Variants in SYNE1 observed in about 807,000 individuals in gnomAD.
SYNE1 encodes nesprin-1.
Under a neutral mutation model 1,111.0 loss-of-function variants are expected in SYNE1, and 616 were observed. That is an observed-to-expected ratio of 0.55 (90% CI 0.52 to 0.59). The LOEUF (loss-of-function observed/expected upper bound fraction) is 0.59. SYNE1 is among the 20% of genes least tolerant of loss of function. SYNE1 has a pLI of 0.00. For missense variants in SYNE1, 10,006 were observed against 10,417.0 expected (o/e 0.96, Z 1.72); for synonymous variants, 3,855 against 3,825.8 (o/e 1.01, Z -0.28).
At chr6:152,569,590 C>G (rs767015622) in intron 3 of SYNE1, among the ~76,000 whole-genome samples, 107 of 151,904 alleles carry the variant, frequency 7.0e-4, no homozygotes, top group Non-Finnish European at 1.1e-3. Context: ...ACTAGATTTG[C>G]ATATCTGTAG....
At chr6:152,592,832 T>TA (rs2099570832) in intron 3 of SYNE1, among the ~76,000 whole-genome samples, 1 of 152,192 alleles carries the variant, frequency 6.6e-6, no homozygotes, top group African/African-American at 2.4e-5. Flanking sequence ...TCACACCTTA[T>TA]ATAATCATCT....
At chr6:152,432,340 G>A (rs1041533307) in intron 34 of SYNE1, among the ~76,000 whole-genome samples, 6 of 152,068 alleles carry the variant, frequency 3.9e-5, no homozygotes, top group Non-Finnish European at 8.8e-5. Context: ...GTAGTCTTAT[G>A]TTTGGAAATA....
At chr6:152,436,825 T>C (rs2098477971) in intron 32 of SYNE1, among the ~76,000 whole-genome samples, 1 of 152,186 alleles carries the variant, frequency 6.6e-6, no homozygotes, top group Admixed American at 6.5e-5. Flanking sequence ...GGCCAATGAA[T>C]AGAAACATTT....
At chr6:152,501,736 C>CAA (rs1232051419) in intron 10 of SYNE1, among the ~76,000 whole-genome samples, 5 of 90,058 alleles carry the variant, frequency 5.6e-5, no homozygotes, top group South Asian at 3.4e-4. Context: ...CTCCATCTCA[C>CAA]AAAAAAAAAA....
chr6:152,505,095 C>A, intron 9 of SYNE1, 106 bp downstream of exon 9: 1 of 1,299,648 alleles, frequency 7.7e-7, no homozygotes, highest in Non-Finnish European at 1.1e-6. Context: ...TTTTCTCCAG[C>A]TTTCTGGCCT....
At chr6:152,154,729 A>G (rs1172538260) in intron 133 of SYNE1, among the ~76,000 whole-genome samples, 163 bp downstream of exon 133, 1 of 152,076 alleles carries the variant, frequency 6.6e-6, no homozygotes, top group Non-Finnish European at 1.5e-5. Flanking sequence ...CTTCATACGT[A>G]TGACTACGTA....
intron 141 of SYNE1, among the ~76,000 whole-genome samples, chr6:152,135,512 T>C (rs555994757): frequency 5.3e-5 from 8 of 152,352 alleles, no homozygotes; most frequent in African/African-American, 1.9e-4. Context: ...ATTATACAGT[T>C]TGGAAGGAAG....
chr6:152,209,850 C>T (rs934271377), intron 124 of SYNE1, among the ~76,000 whole-genome samples: 1 of 152,092 alleles, frequency 6.6e-6, no homozygotes, highest in Non-Finnish European at 1.5e-5. Context: ...AATGTACTAG[C>T]ATTCAAGTGT....
At chr6:152,522,648 T>G (rs369744167) in intron 5 of SYNE1, among the ~76,000 whole-genome samples, 104 of 152,222 alleles carry the variant, frequency 6.8e-4, no homozygotes, top group African/African-American at 2.4e-3. Context: ...TCCATAAAGG[T>G]TGTATTAATT....
intron 14 of SYNE1, chr6:152,481,238 C>CGGTGGT: frequency 4.9e-6 from 1 of 203,380 alleles, no homozygotes; most frequent in South Asian, 8.3e-5. Context: ...AGATGCTTCT[C>CGGTGGT]AGACCTCTAG....
At chr6:152,615,652 T>C (rs138148404) in intron 3 of SYNE1, among the ~76,000 whole-genome samples, 409 of 152,346 alleles carry the variant, frequency 2.7e-3, no homozygotes, top group Non-Finnish European at 4.5e-3. Flanking sequence ...TCCAGTCTGA[T>C]TAAAACATCT....
intron 125 of SYNE1, among the ~76,000 whole-genome samples, chr6:152,207,570 C>A (rs964199598): frequency 2.2e-4 from 33 of 152,282 alleles, no homozygotes; most frequent in African/African-American, 6.7e-4. Context: ...AAGGGGCAAC[C>A]TGGAAATGAA....
intron 14 of SYNE1, chr6:152,480,924 G>C (rs1370682705): frequency 2.5e-6 from 1 of 396,758 alleles, no homozygotes; most frequent in Non-Finnish European, 4.9e-6. Context: ...CAGAGAGATT[G>C]TTCTAGCTGT....
chr6:152,557,810 TTAA>T (rs2099374507), intron 3 of SYNE1, among the ~76,000 whole-genome samples: 2 of 152,252 alleles, frequency 1.3e-5, no homozygotes, highest in Admixed American at 6.5e-5. Flanking sequence ...TTACAAAAAA[TTAA>T]TGTTAGAGTT....
At position 152,331,239 on chromosome 6, in the gene SYNE1, G is replaced by T. The variant is rs375666460; in HGVS notation, c.13446C>A (p.Ile4482=). ...TGCTCACATCATCTGGTAACAGACA[G>T]ATGTGTTCACGGAACATTATCTTTC... is the stretch of plus-strand genomic sequence containing the variant. ...HERKIMFREH[I]CLLPDDVSKQ... is the part of the protein sequence containing the mutation. Residue 4482 remains isoleucine (I), a synonymous_variant, in exon 78 of 146, where the codon ATC becomes ATA. Coordinates refer to ENST00000367255, the MANE Select transcript of SYNE1 (RefSeq NM_182961.4). The T allele has an allele frequency of 3.7e-6, 6 of 1,613,966 alleles. No individual in the cohort carries two copies. In the African/African-American group the frequency reaches 6.7e-5, roughly 18 times the overall value.
intron 3 of SYNE1, among the ~76,000 whole-genome samples, chr6:152,552,977 G>A (rs1352840378): frequency 1.3e-5 from 2 of 152,082 alleles, no homozygotes; most frequent in African/African-American, 4.8e-5. Flanking sequence ...AAGTTTATTC[G>A]TATAGTAATG....
At chr6:152,614,005 A>T (rs951353212) in intron 3 of SYNE1, among the ~76,000 whole-genome samples, 5 of 152,258 alleles carry the variant, frequency 3.3e-5, no homozygotes, top group African/African-American at 1.2e-4. Context: ...TTATAGACTT[A>T]AATGTTAGAC....
intron 107 of SYNE1, among the ~76,000 whole-genome samples, chr6:152,240,496 C>CT (rs969343101): frequency 6.6e-6 from 1 of 152,140 alleles, no homozygotes; most frequent in Non-Finnish European, 1.5e-5. Context: ...CTTGCGCCAT[C>CT]CTACTAATGT....
At chr6:152,522,707 G>A (rs1263580979) in intron 5 of SYNE1, among the ~76,000 whole-genome samples, 2 of 151,916 alleles carry the variant, frequency 1.3e-5, no homozygotes, top group Non-Finnish European at 2.9e-5. Context: ...ACACTTCCAT[G>A]CCAACATCTA....
Sources: allele counts gnomAD v4.1 joint callset (sites outside exome capture counted in the v4.1 genomes callset), GRCh38; gene constraint gnomAD v4.1.1; transcripts MANE v1.5; gene names NCBI Gene and HGNC (gene_info 2026-07-23, HGNC 2026-07-21).